RABGAP1L: variants seen among roughly 807,000 people sequenced by gnomAD.
The protein encoded by RABGAP1L is rab GTPase-activating protein 1-like.
Under a neutral mutation model 137.7 loss-of-function variants are expected in RABGAP1L, and 63 were observed. The observed-to-expected ratio is 0.46, with a 90% CI of 0.37 to 0.56. RABGAP1L has a LOEUF of 0.56. Among genes scored for constraint, RABGAP1L ranks in the 20% least tolerant of loss-of-function variants. The pLI is 0.00. For missense variants in RABGAP1L, 1,095 were observed against 1,244.0 expected (o/e 0.88, Z 1.80); for synonymous variants, 431 against 433.7 (o/e 0.99, Z 0.08).
chr1:174,483,147 C>G (rs551652172), intron 13 of RABGAP1L, among the ~76,000 whole-genome samples: 3 of 152,118 alleles, frequency 2.0e-5, no homozygotes, highest in African/African-American at 7.2e-5. Context: ...TAATTATATC[C>G]TTTTTAGTTG....
intron 10 of RABGAP1L, among the ~76,000 whole-genome samples, chr1:174,292,264 A>G (rs1676686929): frequency 6.8e-6 from 1 of 146,970 alleles, no homozygotes; most frequent in African/African-American, 2.5e-5. Flanking sequence ...TTGCTCAAGC[A>G]GTTCTCCTGC....
chr1:174,809,050 G>T (rs947749373), intron 18 of RABGAP1L, among the ~76,000 whole-genome samples: 1 of 152,196 alleles, frequency 6.6e-6, no homozygotes, highest in African/African-American at 2.4e-5. Context: ...AAGTTAAAAT[G>T]AATTTATTAC....
chr1:174,980,370 A>C (rs1336185007), intron 23 of RABGAP1L, among the ~76,000 whole-genome samples: 1 of 152,238 alleles, frequency 6.6e-6, no homozygotes, highest in Non-Finnish European at 1.5e-5. Flanking sequence ...AGATGAATGA[A>C]TTCAAGTTTT....
chr1:174,792,539 G>T (rs961787334), intron 18 of RABGAP1L, among the ~76,000 whole-genome samples: 2 of 152,102 alleles, frequency 1.3e-5, no homozygotes, highest in Non-Finnish European at 2.9e-5. Context: ...ACCACAAAAG[G>T]AAAAACAAAA....
chr1:174,965,448 T>G (rs141124094), intron 20 of RABGAP1L, among the ~76,000 whole-genome samples: 7 of 152,210 alleles, frequency 4.6e-5, no homozygotes, highest in Admixed American at 4.6e-4. Flanking sequence ...TCCAAGACCA[T>G]CAAAACCAAA....
rs1416066039 is a variant in RABGAP1L, at chr1:174,376,089, G to T, written c.1559+5017G>T. Reference sequence around the variant, plus strand: ...AGAAAATAAAGTAGAGTAAAGTAAAGTAAAGAAAAGGAAAGAAGGAAGGAG... The same window carrying T: ...AGAAAATAAAGTAGAGTAAAGTAAATTAAAGAAAAGGAAAGAAGGAAGGAG... On this transcript the variant is annotated intron_variant, in intron 12 of 25. Coordinates refer to ENST00000681986, the MANE Select transcript of RABGAP1L (RefSeq NM_001366446.1). Among the ~76,000 whole-genome samples the T allele has an allele frequency of 3.4e-5, 5 of 149,032 alleles. No individual in the cohort carries two copies. In the South Asian group the frequency reaches 8.5e-4, roughly 25 times the overall value.
At position 174,399,642 on chromosome 1, in the gene RABGAP1L, A is replaced by C. The variant is rs140749728; in HGVS notation, c.1710+5497A>C. 7.4e-3 allele frequency among the ~76,000 whole-genome samples: 1,130 copies of C among 152,304 alleles called. 10 individuals are homozygous for C. The highest frequency in any genetic ancestry group is 0.011 in the Non-Finnish European group (716 of 68,016). On this transcript the variant is annotated intron_variant, in intron 13 of 25. Transcript: ENST00000681986. The stretch of plus-strand genomic sequence containing the variant: ...CTACCTGAGACTGGGCAATTTATAA[A>C]GGAAAGAGGTTTAATTGACTCACAG...
intron 18 of RABGAP1L, among the ~76,000 whole-genome samples, chr1:174,804,356 C>T (rs373328749): frequency 1.0e-4 from 15 of 150,356 alleles, no homozygotes; most frequent in African/African-American, 3.4e-4. Flanking sequence ...CTGCAACCTC[C>T]GCCTCCCAGG....
At chr1:174,194,020 G>GA (rs1181646867) in intron 1 of RABGAP1L, among the ~76,000 whole-genome samples, 152 of 152,198 alleles carry the variant, frequency 1.0e-3, no homozygotes, top group African/African-American at 3.4e-3. Flanking sequence ...CAAGTTACGT[G>GA]TTCAGGGTCA....
rs6656616 is a variant in RABGAP1L at position 174,305,422 on chromosome 1, G to T, written c.1465+295G>T. Among the ~76,000 whole-genome samples, 1,345 of 152,164 alleles carry T rather than the reference G, an allele frequency of 8.8e-3. 24 individuals carry two copies. The highest frequency in any genetic ancestry group is 0.031 in the African/African-American group (1,298 of 41,518). ...ATTTTCTTGAGATAGAGTCTCCCCT[G>T]TCACCCAGGTTGGAGTGCAGTGGAA... On this transcript the variant is annotated intron_variant, in intron 11 of 25. Coordinates refer to ENST00000681986, the MANE Select transcript of RABGAP1L (RefSeq NM_001366446.1).
intron 7 of RABGAP1L, among the ~76,000 whole-genome samples, chr1:174,271,877 A>C (rs913923802): frequency 1.3e-5 from 2 of 151,848 alleles, no homozygotes; most frequent in Non-Finnish European, 2.9e-5. Flanking sequence ...AGTTTGCATA[A>C]CTTTTTTTTT....
chr1:174,437,067 G>C lies in RABGAP1L; in HGVS notation c.1710+42922G>C, dbSNP rs556406255. On this transcript the variant is annotated intron_variant, in intron 13 of 25. Coordinates refer to ENST00000681986, the MANE Select transcript of RABGAP1L (RefSeq NM_001366446.1). ...GGACATCCACACCAAAAACCCATCT[G>C]TACGTCACCATCATCAAAGACCAAA... Among the ~76,000 whole-genome samples, 4 of 152,218 alleles carry C rather than the reference G, an allele frequency of 2.6e-5. No individual in the cohort carries two copies. The South Asian group carries it at 6.2e-4, about 24-fold the overall frequency.
chr1:174,620,057 G>A (rs924570406), intron 13 of RABGAP1L, among the ~76,000 whole-genome samples: 1 of 152,082 alleles, frequency 6.6e-6, no homozygotes. Context: ...ATTACATAAT[G>A]GTAAAGGGAT....
At chr1:174,685,269 T>C (rs1252108712) in intron 15 of RABGAP1L, among the ~76,000 whole-genome samples, 1 of 152,094 alleles carries the variant, frequency 6.6e-6, no homozygotes, top group East Asian at 1.9e-4. Context: ...TTTCTTTCTT[T>C]AGAGACAGAG....
intron 20 of RABGAP1L, among the ~76,000 whole-genome samples, chr1:174,964,474 G>GC (rs1409785239): frequency 6.6e-6 from 1 of 152,082 alleles, no homozygotes; most frequent in Non-Finnish European, 1.5e-5. Flanking sequence ...CCAGACTTCA[G>GC]CCCCCAGGTA....
At chr1:174,906,175 G>A (rs1021207061) in intron 19 of RABGAP1L, among the ~76,000 whole-genome samples, 7 of 151,934 alleles carry the variant, frequency 4.6e-5, no homozygotes, top group Admixed American at 2.0e-4. Context: ...GTGCCAACTC[G>A]CCTGGCTAAT....
intron 13 of RABGAP1L, among the ~76,000 whole-genome samples, chr1:174,576,297 C>T (rs963375394): frequency 7.9e-5 from 12 of 152,104 alleles, no homozygotes; most frequent in African/African-American, 1.9e-4. Flanking sequence ...CATGAACAGG[C>T]GCCCCTCATG....
intron 18 of RABGAP1L, among the ~76,000 whole-genome samples, chr1:174,799,054 T>G (rs779212184): frequency 6.6e-6 from 1 of 152,232 alleles, no homozygotes; most frequent in Non-Finnish European, 1.5e-5. Context: ...AGAACAATGT[T>G]TTCAACTATT....
At chr1:174,817,650 G>T (rs1690578620) in intron 19 of RABGAP1L, among the ~76,000 whole-genome samples, 1 of 152,152 alleles carries the variant, frequency 6.6e-6, no homozygotes, top group South Asian at 2.1e-4. Flanking sequence ...AGCACTGAAG[G>T]ATTTAAAATA....
Sources: allele counts gnomAD v4.1 joint callset (sites outside exome capture counted in the v4.1 genomes callset), GRCh38; gene constraint gnomAD v4.1.1; transcripts MANE v1.5; gene names NCBI Gene and HGNC (gene_info 2026-07-23, HGNC 2026-07-21).